The following TSPEAR variants were observed in gnomAD, a reference collection of about 807,000 sequenced individuals.
TSPEAR encodes thrombospondin-type laminin G domain and EAR repeat-containing protein.
Under a neutral mutation model 71.6 loss-of-function variants are expected in TSPEAR, and 69 were observed. The ratio of observed to expected loss-of-function variants is 0.96; its 90% CI spans 0.79 to 1.18. TSPEAR has a LOEUF of 1.18. Ranked by LOEUF, TSPEAR falls within the 50% of genes most tolerant of loss-of-function variation. TSPEAR has a pLI of 0.00. For synonymous variants in TSPEAR, 402 were observed against 387.2 expected (o/e 1.04, Z -0.45); for missense variants, 971 against 894.9 (o/e 1.09, Z -1.09).
At chr21:44,500,248 T>C (rs140025613) in intron 11 of TSPEAR, among the ~76,000 whole-genome samples, 2 of 152,236 alleles carry the variant, frequency 1.3e-5, no homozygotes, top group East Asian at 1.9e-4. Flanking sequence ...TCGGCCTCAA[T>C]CGTGAGGTGC....
chr21:44,580,475 G>A lies in TSPEAR; in HGVS notation c.83-12470C>T, dbSNP rs370129643. 1.2e-6 allele frequency: 2 copies of A among 1,613,174 alleles called. No homozygotes were observed. Among genetic ancestry groups the A allele is most frequent in the African/African-American group, 2.7e-5 (2 of 74,900 alleles). On this transcript the variant is annotated intron_variant, in intron 1 of 11. Coordinates refer to ENST00000323084, the MANE Select transcript of TSPEAR (RefSeq NM_144991.3). ...TGGGGTGCAGACCAGGGTCAGGCAG[G>A]GGGCGGTGCCGCAGGGGGGCTCACA...
chr21:44,558,257 T>G (rs782609394), intron 2 of TSPEAR: 1 of 1,612,322 alleles, frequency 6.2e-7, no homozygotes. Flanking sequence ...AGGAGGAGGG[T>G]CTGCAGCAGG....
At chr21:44,692,874 T>C (rs1191745513) in intron 1 of TSPEAR, among the ~76,000 whole-genome samples, 1 of 151,936 alleles carries the variant, frequency 6.6e-6, no homozygotes, top group Non-Finnish European at 1.5e-5. Flanking sequence ...CAAGCACATA[T>C]GGATTATAGG....
Position 44,539,829 on chromosome 21 carries a change from C to T in TSPEAR, c.304-5906G>A, listed in dbSNP as rs782815852. The T allele has an allele frequency of 1.4e-5, 22 of 1,576,376 alleles. No individual in the cohort carries two copies. The Admixed American group carries it at 1.8e-4, about 13-fold the overall frequency. On this transcript the variant is annotated intron_variant, in intron 2 of 11. Coordinates refer to ENST00000323084, the MANE Select transcript of TSPEAR (RefSeq NM_144991.3). ...TTAGAGCAGGTGGGCAGGCAGCACA[C>T]AGGCTTGCAGCAGACGGGCACGCAG...
intron 9 of TSPEAR, among the ~76,000 whole-genome samples, chr21:44,521,603 G>A (rs2052735863): frequency 6.6e-6 from 1 of 152,256 alleles, no homozygotes; most frequent in Non-Finnish European, 1.5e-5. Context: ...CACCATGCCA[G>A]GGTGGGGCAG....
chr21:44,605,030 T>C (rs973173775), intron 1 of TSPEAR, among the ~76,000 whole-genome samples: 1 of 152,238 alleles, frequency 6.6e-6, no homozygotes, highest in Admixed American at 6.5e-5. Context: ...GTCAAGGACG[T>C]TGGCCTGTAG....
chr21:44,591,293 CTGAGGG>C, intron 1 of TSPEAR: 1 of 1,488,902 alleles, frequency 6.7e-7, no homozygotes, highest in Non-Finnish European at 9.0e-7. Context: ...GCCCCATCTT[CTGAGGG>C]TGTCAAAGCC....
At chr21:44,617,279 G>C (rs1003763804) in intron 1 of TSPEAR, among the ~76,000 whole-genome samples, 4 of 152,278 alleles carry the variant, frequency 2.6e-5, no homozygotes, top group African/African-American at 9.6e-5. Flanking sequence ...TCTACTCAGG[G>C]ACAGCTTGGG....
intron 1 of TSPEAR, among the ~76,000 whole-genome samples, chr21:44,703,631 G>A (rs1987764714): frequency 6.6e-6 from 1 of 152,218 alleles, no homozygotes; most frequent in Admixed American, 6.5e-5. Flanking sequence ...GTTTGTGCTT[G>A]TGAAGGCTAA....
intron 1 of TSPEAR, among the ~76,000 whole-genome samples, chr21:44,643,383 G>A (rs371833193): frequency 1.3e-5 from 2 of 152,144 alleles, no homozygotes; most frequent in Admixed American, 1.3e-4. Flanking sequence ...TAGTAACACC[G>A]AAATCTGCTA....
chr21:44,551,593 A>C, intron 2 of TSPEAR: 2 of 1,285,534 alleles, frequency 1.6e-6, no homozygotes, highest in Non-Finnish European at 2.1e-6. Context: ...TTTTCCCAGC[A>C]GGAGACTCAG....
Position 44,525,751 on chromosome 21 carries a change from A to C in TSPEAR, c.1238T>G (p.Phe413Cys). 6.2e-7 allele frequency: 1 copy of C among 1,614,100 alleles called. No homozygotes were observed. The highest frequency in any genetic ancestry group is 8.5e-7 in the Non-Finnish European group (1 of 1,180,006). The change falls in exon 8 of 12, where the codon TTT becomes TGT. Residue 413 changes from phenylalanine to cysteine, a missense_variant. Phe to Cys is a radical substitution (Grantham distance 205). Transcript: ENST00000323084. ...IYKWSHRKLK[F>C]TPYQSIATHS... The stretch of plus-strand genomic sequence containing the variant: ...TGTGGCAATGCTCTGATATGGGGTA[A>C]ACTTCAGCTTTCTGTGGCTCCATTT...
intron 2 of TSPEAR, chr21:44,551,232 G>T: frequency 6.2e-7 from 1 of 1,614,050 alleles, no homozygotes; most frequent in Non-Finnish European, 8.5e-7. Flanking sequence ...GCACGAGGGC[G>T]TGCAGGAGCT....
chr21:44,569,176 T>C (rs1555922179), intron 1 of TSPEAR, among the ~76,000 whole-genome samples: 1 of 152,006 alleles, frequency 6.6e-6, no homozygotes, highest in East Asian at 1.9e-4. Flanking sequence ...CTCCAGAGAG[T>C]GTGAGCACCT....
intron 6 of TSPEAR, among the ~76,000 whole-genome samples, chr21:44,527,766 G>T (rs1309822375): frequency 6.6e-6 from 1 of 152,232 alleles, no homozygotes; most frequent in Non-Finnish European, 1.5e-5. Context: ...TTGTGGCCTT[G>T]TTAAAAGGCT....
chr21:44,508,516 G>A (rs140929109), intron 10 of TSPEAR: 12 of 1,089,558 alleles, frequency 1.1e-5, no homozygotes, highest in East Asian at 7.0e-5. Flanking sequence ...ATACGGATTC[G>A]ATTGCAGGTT....
intron 1 of TSPEAR, among the ~76,000 whole-genome samples, chr21:44,573,506 A>G (rs946586051): frequency 5.3e-5 from 8 of 152,282 alleles, no homozygotes; most frequent in Non-Finnish European, 1.0e-4. Flanking sequence ...AAACACGCAC[A>G]TGCGCCCCAG....
At chr21:44,573,845 G>T (rs782094897) in intron 1 of TSPEAR, 2 of 1,614,068 alleles carry the variant, frequency 1.2e-6, no homozygotes, top group African/African-American at 2.7e-5. Flanking sequence ...CCTGGCAGGT[G>T]GACGACTGCC....
intron 2 of TSPEAR, chr21:44,557,690 C>T (rs927655859): frequency 6.5e-5 from 19 of 292,678 alleles, no homozygotes; most frequent in African/African-American, 3.2e-4. Context: ...TGCTGTCAGC[C>T]TGGATGCAGC....
Sources: gnomAD v4.1 joint callset for allele counts (sites outside exome capture counted in the v4.1 genomes callset) on GRCh38, gnomAD v4.1.1 for gene constraint, MANE v1.5 for transcripts, NCBI Gene and HGNC (gene_info 2026-07-23, HGNC 2026-07-21) for gene names.